The following HSD17B4 variants were observed in gnomAD, a reference collection of about 807,000 sequenced individuals.
The protein encoded by HSD17B4 is hydroxysteroid 17-beta dehydrogenase 4.
Under a neutral mutation model 101.0 loss-of-function variants are expected in HSD17B4, and 70 were observed. The observed-to-expected ratio is 0.69, with a 90% CI of 0.57 to 0.85. The LOEUF is 0.85. HSD17B4 is among the 40% of genes least tolerant of loss of function. The pLI, the probability that HSD17B4 is intolerant of heterozygous loss-of-function variation, is 0.00. For missense variants in HSD17B4, 984 were observed against 892.4 expected (o/e 1.10, Z -1.31); for synonymous variants, 347 against 297.1 (o/e 1.17, Z -1.73).
intron 2 of HSD17B4, among the ~76,000 whole-genome samples, chr5:119,459,525 T>C (rs1247859677): frequency 1.3e-5 from 2 of 152,194 alleles, no homozygotes; most frequent in Non-Finnish European, 2.9e-5. Flanking sequence ...TGTTTTCTGT[T>C]GCTTATAACA....
chr5:119,494,341 CTTTCTTTCTTTCTTTCT>C (rs1561458797), intron 11 of HSD17B4, among the ~76,000 whole-genome samples: 14 of 144,284 alleles, frequency 9.7e-5, no homozygotes, highest in African/African-American at 1.3e-4. Context: ...TTCTTTCTTT[CTTTCTTTCTTTCTTTCT>C]TTCTTTCTTT....
At chr5:119,476,439 T>C (rs530933622) in intron 6 of HSD17B4, 3 of 367,438 alleles carry the variant, frequency 8.2e-6, no homozygotes, top group Middle Eastern at 1.3e-3. Flanking sequence ...CTTACTTTCA[T>C]TGGCCATCAG....
chr5:119,459,873 C>CTTT (rs545329527), intron 2 of HSD17B4, among the ~76,000 whole-genome samples: 1 of 142,430 alleles, frequency 7.0e-6, no homozygotes, highest in African/African-American at 2.6e-5. Context: ...CCCCACATCT[C>CTTT]TTTTTTTTTT....
At position 119,493,945 on chromosome 5, in the gene HSD17B4, AG is replaced by A. The variant is rs749532705; in HGVS notation, c.868+1del. 9 of 1,613,038 alleles carry A rather than the reference AG, an allele frequency of 5.6e-6. No individual in the cohort carries two copies. The Admixed American group carries it at 8.3e-5, about 15-fold the overall frequency. Reference protein sequence around the residue: ...ENASKPQSIQESTGSIIEVLS... With the variant: ...ENASKPQSIQXSTGSIIEVLS... ...ATGCCAGCAAGCCTCAGAGTATCCA[AG>A]GTAAAGAGAGTCCCCGTCACTTAGC... is the stretch of plus-strand genomic sequence containing the variant. On this transcript the variant is annotated frameshift_variant and splice_region_variant, in exon 11 of 24. Transcript: ENST00000510025. LOFTEE classifies it high-confidence loss of function.
At chr5:119,522,225 G>T (rs1753181634) in intron 17 of HSD17B4, among the ~76,000 whole-genome samples, 1 of 151,990 alleles carries the variant, frequency 6.6e-6, no homozygotes, top group South Asian at 2.1e-4. Context: ...TGAGAATGAT[G>T]GTTTCCAGCT....
At chr5:119,457,307 C>T (rs1349656009) in intron 2 of HSD17B4, among the ~76,000 whole-genome samples, 1 of 152,168 alleles carries the variant, frequency 6.6e-6, no homozygotes, top group African/African-American at 2.4e-5. Context: ...GACATCTTAA[C>T]GAGGCAATAC....
At chr5:119,463,685 TAAGA>T (rs1431700041) in intron 2 of HSD17B4, among the ~76,000 whole-genome samples, 3 of 100,654 alleles carry the variant, frequency 3.0e-5, no homozygotes, top group Non-Finnish European at 6.0e-5. Flanking sequence ...TTTTTTTTTT[TAAGA>T]AAGAGTGTTA....
intron 4 of HSD17B4, among the ~76,000 whole-genome samples, chr5:119,475,098 A>AT (rs1215001812): frequency 6.6e-6 from 1 of 152,026 alleles, no homozygotes; most frequent in African/African-American, 2.4e-5. Flanking sequence ...TATTACACTT[A>AT]TTTTTCTAAT....
chr5:119,538,163 TCTTC>T (rs1754688262), intron 23 of HSD17B4, among the ~76,000 whole-genome samples: 1 of 152,300 alleles, frequency 6.6e-6, no homozygotes, highest in South Asian at 2.1e-4. Context: ...TCCCCCAGTC[TCTTC>T]CTTCTTAATT....
Position 119,514,972 on chromosome 5 carries a change from TA to T in HSD17B4, c.1438-7del. The T allele has an allele frequency of 6.8e-7, 1 of 1,471,376 alleles. No homozygotes were observed. The highest frequency in any genetic ancestry group is 9.5e-7 in the Non-Finnish European group (1 of 1,050,106). The allele number at this position is 1,471,376 out of a possible 1,614,324, so 91.1% of individuals were successfully genotyped here. The stretch of plus-strand genomic sequence containing the variant: ...ATTTAAGATTTAACATGTAATGTCT[TA>T]ATTTTAGGTAGCTGTAGCCATACCT... On this transcript the variant is annotated splice_region_variant and splice_polypyrimidine_tract_variant and intron_variant, in intron 16 of 23. Transcript: ENST00000510025.
At chr5:119,516,031 G>C (rs905896092) in intron 17 of HSD17B4, among the ~76,000 whole-genome samples, 9 of 152,004 alleles carry the variant, frequency 5.9e-5, no homozygotes, top group African/African-American at 2.2e-4. Context: ...AATTTTTTTT[G>C]GTATGTTTGA....
chr5:119,502,061 C>A lies in HSD17B4; in HGVS notation c.1230C>A (p.Tyr410Ter). ...CATAGGTTCTTCATGGAGAGCAGTA[C>A]TTAGAGTTATATAAACCACTTCCCA... ...NFAKVLHGEQ[Y>*]LELYKPLPRA... Residue 410 changes from tyrosine (Y) to a stop codon, truncating the protein, a stop_gained, in exon 14 of 24, where the codon TAC becomes TAA. Coordinates refer to ENST00000510025, the MANE Select transcript of HSD17B4 (RefSeq NM_000414.4). LOFTEE classifies it high-confidence loss of function. 6.2e-7 allele frequency: 1 copy of A among 1,604,526 alleles called. No homozygotes were observed. Among genetic ancestry groups the A allele is most frequent in the Non-Finnish European group, 8.5e-7 (1 of 1,171,448 alleles).
intron 13 of HSD17B4, among the ~76,000 whole-genome samples, chr5:119,499,836 G>A (rs1270738824): frequency 2.0e-5 from 3 of 151,952 alleles, no homozygotes; most frequent in Admixed American, 6.6e-5. Flanking sequence ...CTTGACCAAG[G>A]GTAAATAACA....
At chr5:119,463,540 T>C (rs573848901) in intron 2 of HSD17B4, among the ~76,000 whole-genome samples, 9 of 150,560 alleles carry the variant, frequency 6.0e-5, no homozygotes, top group African/African-American at 2.2e-4. Context: ...TTTTTTTGCC[T>C]TTTTGATAGT....
intron 17 of HSD17B4, among the ~76,000 whole-genome samples, chr5:119,517,514 C>G (rs1476736314): frequency 6.6e-6 from 1 of 152,256 alleles, no homozygotes; most frequent in Non-Finnish European, 1.5e-5. Flanking sequence ...GACTGGCAGG[C>G]AGCTCCACCT....
intron 14 of HSD17B4, among the ~76,000 whole-genome samples, chr5:119,506,133 A>T (rs13436451): frequency 1.2e-3 from 176 of 152,078 alleles, no homozygotes; most frequent in Non-Finnish European, 2.1e-3. Flanking sequence ...CGTCACCTAT[A>T]TTAGGTATTT....
At chr5:119,461,873 C>A (rs964020424) in intron 2 of HSD17B4, among the ~76,000 whole-genome samples, 22 of 152,068 alleles carry the variant, frequency 1.4e-4, no homozygotes, top group Non-Finnish European at 2.4e-4. Flanking sequence ...GACAGTGATA[C>A]CCTGTCTCAA....
intron 2 of HSD17B4, among the ~76,000 whole-genome samples, chr5:119,468,762 A>AT (rs1435598475): frequency 2.7e-5 from 4 of 150,210 alleles, no homozygotes; most frequent in African/African-American, 9.7e-5. Context: ...ATGGTGTCCC[A>AT]TTACTACCAT....
intron 17 of HSD17B4, among the ~76,000 whole-genome samples, chr5:119,517,834 G>A (rs558398886): frequency 6.6e-6 from 1 of 152,290 alleles, no homozygotes; most frequent in African/African-American, 2.4e-5. Flanking sequence ...TCAGCACCCT[G>A]TGTCTAGCTC....
Sources: allele counts gnomAD v4.1 joint callset (sites outside exome capture counted in the v4.1 genomes callset), GRCh38; gene constraint gnomAD v4.1.1; transcripts MANE v1.5; gene names NCBI Gene and HGNC (gene_info 2026-07-23, HGNC 2026-07-21).